LRMDA: variants seen among roughly 807,000 people sequenced by gnomAD.
The protein encoded by LRMDA is leucine rich melanocyte differentiation associated, also known as leucine-rich melanocyte differentiation-associated protein.
LRMDA carries 18 observed loss-of-function variants against 29.8 expected under a neutral mutation model. The ratio of observed to expected loss-of-function variants is 0.60; its 90% CI spans 0.42 to 0.90. The LOEUF is 0.90. Ranked by LOEUF, LRMDA falls within the 40% of genes least tolerant of loss-of-function variation. The pLI is 0.00. For missense variants in LRMDA, 273 were observed against 273.9 expected, an observed-to-expected ratio of 1.00 and a Z score of 0.02; for synonymous variants, 125 against 109.4, an observed-to-expected ratio of 1.14 and a Z score of -0.89.
intron 2 of LRMDA, among the ~76,000 whole-genome samples, chr10:75,942,806 C>T (rs1846414449): frequency 6.6e-6 from 1 of 152,086 alleles, no homozygotes; most frequent in Non-Finnish European, 1.5e-5. Context: ...TAGTTCATGG[C>T]TGGCAATTGA....
intron 2 of LRMDA, among the ~76,000 whole-genome samples, chr10:75,580,180 C>T (rs568495899): frequency 6.6e-6 from 1 of 152,326 alleles, no homozygotes; most frequent in Non-Finnish European, 1.5e-5. Context: ...ATCCCATTGT[C>T]TCAGCCCAAA....
chr10:76,281,912 G>A (rs1840211140), intron 5 of LRMDA, among the ~76,000 whole-genome samples: 1 of 152,146 alleles, frequency 6.6e-6, no homozygotes, highest in Non-Finnish European at 1.5e-5. Context: ...GGAATTTAAT[G>A]CAATGATTTT....
chr10:76,013,306 T>G (rs1847818043), intron 2 of LRMDA, among the ~76,000 whole-genome samples: 1 of 151,988 alleles, frequency 6.6e-6, no homozygotes, highest in Non-Finnish European at 1.5e-5. Flanking sequence ...TTTTTTTTTT[T>G]TTTTGCTTTG....
intron 6 of LRMDA, among the ~76,000 whole-genome samples, chr10:76,371,798 C>T (rs1001728878): frequency 4.6e-5 from 7 of 152,104 alleles, no homozygotes; most frequent in African/African-American, 1.7e-4. Flanking sequence ...TATTGATTTG[C>T]TTTTCTACTG....
chr10:76,016,580 G>A (rs1305880451), intron 2 of LRMDA, among the ~76,000 whole-genome samples: 1 of 152,148 alleles, frequency 6.6e-6, no homozygotes, highest in Non-Finnish European at 1.5e-5. Flanking sequence ...GGACTGAGAG[G>A]CAGAGGAAAA....
At chr10:76,053,185 A>C (rs1013206917) in intron 4 of LRMDA, among the ~76,000 whole-genome samples, 3 of 152,102 alleles carry the variant, frequency 2.0e-5, no homozygotes, top group Non-Finnish European at 2.9e-5. Flanking sequence ...AGTCTGAATA[A>C]GTTTAGTGCC....
At chr10:76,226,935 T>G (rs949695850) in intron 5 of LRMDA, among the ~76,000 whole-genome samples, 1 of 152,194 alleles carries the variant, frequency 6.6e-6, no homozygotes, top group African/African-American at 2.4e-5. Flanking sequence ...AGACATTGTG[T>G]CAGATTTTAA....
At chr10:76,037,623 G>A (rs1848272996) in intron 3 of LRMDA, among the ~76,000 whole-genome samples, 1 of 152,178 alleles carries the variant, frequency 6.6e-6, no homozygotes, top group African/African-American at 2.4e-5. Flanking sequence ...AGATCAGGAT[G>A]CCAGCAGGGT....
At chr10:76,345,981 A>T (rs1045297444) in intron 6 of LRMDA, among the ~76,000 whole-genome samples, 1 of 152,210 alleles carries the variant, frequency 6.6e-6, no homozygotes, top group Non-Finnish European at 1.5e-5. Flanking sequence ...GATCTCCAAG[A>T]CATATTTTTG....
chr10:75,749,920 A>C (rs1842934061), intron 2 of LRMDA, among the ~76,000 whole-genome samples: 1 of 152,236 alleles, frequency 6.6e-6, no homozygotes, highest in Non-Finnish European at 1.5e-5. Context: ...GACACACCAC[A>C]TGTTTCAGAG....
intron 6 of LRMDA, among the ~76,000 whole-genome samples, chr10:76,456,677 A>G (rs912553261): frequency 2.0e-5 from 3 of 150,748 alleles, no homozygotes; most frequent in Admixed American, 2.0e-4. Context: ...AAAAGGCACT[A>G]TTTCAGATGA....
At chr10:75,553,246 T>C (rs896958793) in intron 2 of LRMDA, among the ~76,000 whole-genome samples, 4 of 152,176 alleles carry the variant, frequency 2.6e-5, no homozygotes, top group African/African-American at 9.6e-5. Context: ...CAGTCAGTAA[T>C]TGAGCTAGAT....
chr10:76,517,698 C>T (rs1843075564), intron 6 of LRMDA, among the ~76,000 whole-genome samples: 2 of 151,928 alleles, frequency 1.3e-5, no homozygotes, highest in Admixed American at 6.6e-5. Flanking sequence ...TCTAAACCAA[C>T]ACTTTCTTTA....
chr10:75,989,858 A>G (rs547813919), intron 2 of LRMDA, among the ~76,000 whole-genome samples: 1 of 152,286 alleles, frequency 6.6e-6, no homozygotes, highest in African/African-American at 2.4e-5. Flanking sequence ...TCAGGCTTCT[A>G]GAATTCTAGG....
intron 2 of LRMDA, among the ~76,000 whole-genome samples, chr10:75,542,386 T>C (rs1404614361): frequency 6.6e-6 from 1 of 152,000 alleles, no homozygotes; most frequent in Non-Finnish European, 1.5e-5. Flanking sequence ...TTTCACAGAG[T>C]TAATAATGAC....
intron 5 of LRMDA, among the ~76,000 whole-genome samples, chr10:76,281,596 C>A (rs1312511698): frequency 6.6e-6 from 1 of 152,094 alleles, no homozygotes; most frequent in Non-Finnish European, 1.5e-5. Flanking sequence ...CATGAATTTT[C>A]TTCAGTTCAA....
At chr10:76,020,580 T>TCTGGGCATCCACAGCCACTGACTC (rs1847958269) in intron 2 of LRMDA, among the ~76,000 whole-genome samples, 1 of 152,148 alleles carries the variant, frequency 6.6e-6, no homozygotes, top group Non-Finnish European at 1.5e-5. Flanking sequence ...GGTGAGGACA[T>TCTGGGCATCCACAGCCACTGACTC]CTGGGCATCC....
At position 76,064,358 on chromosome 10, in the gene LRMDA, C is replaced by G. The variant is rs191873964; in HGVS notation, c.516+5575C>G. On this transcript the variant is annotated intron_variant, in intron 5 of 6. Transcript: ENST00000611255. ...GTTCTCCTCGTCACTCGGGGTGGTACTGGAGTCCTCCTTCTTTCTCAACCC... is the reference window on the plus strand; with the variant it reads ...GTTCTCCTCGTCACTCGGGGTGGTAGTGGAGTCCTCCTTCTTTCTCAACCC... Among the ~76,000 whole-genome samples the G allele has an allele frequency of 1.7e-3, 261 of 152,288 alleles. 1 individual carries two copies. Among genetic ancestry groups the G allele is most frequent in the African/African-American group, 6.1e-3 (252 of 41,550 alleles).
At chr10:76,285,931 A>G (rs1840265506) in intron 5 of LRMDA, among the ~76,000 whole-genome samples, 2 of 152,194 alleles carry the variant, frequency 1.3e-5, no homozygotes, top group South Asian at 4.1e-4. Context: ...TACCAAATGT[A>G]ATTCAGCTCA....
Sources: allele counts gnomAD v4.1 joint callset (sites outside exome capture counted in the v4.1 genomes callset), GRCh38; gene constraint gnomAD v4.1.1; transcripts MANE v1.5; gene names NCBI Gene and HGNC (gene_info 2026-07-23, HGNC 2026-07-21).